The following ENPP2 variants were observed in gnomAD, a reference collection of about 807,000 sequenced individuals.
ENPP2 encodes the protein ectonucleotide pyrophosphatase/phosphodiesterase 2, also known as autotaxin.
ENPP2 carries 51 observed loss-of-function variants against 120.2 expected under a neutral mutation model. That is an observed-to-expected ratio of 0.42 (90% CI 0.34 to 0.54). The LOEUF (loss-of-function observed/expected upper bound fraction) is 0.54. Among genes scored for constraint, ENPP2 ranks in the 20% least tolerant of loss-of-function variants. The pLI is 0.04. For missense variants in ENPP2, 920 were observed against 1,066.5 expected (o/e 0.86, Z 1.91); for synonymous variants, 365 against 366.4 (o/e 1.00, Z 0.04).
intron 1 of ENPP2, among the ~76,000 whole-genome samples, chr8:119,672,613 A>G (rs1008503892): frequency 1.3e-5 from 2 of 152,174 alleles, no homozygotes; most frequent in Non-Finnish European, 2.9e-5. Context: ...CTTATCCAAA[A>G]TTAGCCCTAT....
At chr8:119,605,583 C>G (rs927377721) in intron 9 of ENPP2, among the ~76,000 whole-genome samples, 19 of 151,782 alleles carry the variant, frequency 1.3e-4, no homozygotes, top group Middle Eastern at 3.4e-3. Flanking sequence ...GCCTCAGCCT[C>G]CCAGGTAGCT....
rs182056588 is a variant in ENPP2 at position 119,646,119 on chromosome 8, T to C, written c.22-7592A>G. On this transcript the variant is annotated intron_variant, in intron 1 of 25. Coordinates refer to the ENPP2 transcript ENST00000427067. ...AAGTAGCTGGGATTACAGGCATGTG[T>C]CACCATACCCGGCTAATTTTTTTGT... 9.7e-3 allele frequency among the ~76,000 whole-genome samples: 1,470 copies of C among 151,894 alleles called. 24 individuals are homozygous for C. Among genetic ancestry groups the C allele is most frequent in the African/African-American group, 0.034 (1,394 of 41,446 alleles).
intron 9 of ENPP2, among the ~76,000 whole-genome samples, chr8:119,602,507 A>G (rs1340004299): frequency 2.0e-5 from 3 of 152,074 alleles, no homozygotes. Context: ...AGACTGACAA[A>G]AAGGGTATAA....
chr8:119,615,461 T>C (rs1233814140), intron 8 of ENPP2, among the ~76,000 whole-genome samples: 1 of 152,196 alleles, frequency 6.6e-6, no homozygotes, highest in Admixed American at 6.5e-5. Context: ...CCAAAGCAAG[T>C]TGCGTAACCA....
intron 2 of ENPP2, among the ~76,000 whole-genome samples, chr8:119,637,711 T>G (rs1817085225): frequency 6.6e-6 from 1 of 152,224 alleles, no homozygotes; most frequent in South Asian, 2.1e-4. Context: ...ACTCATTGCT[T>G]AAGACCTGGT....
At chr8:119,608,088 C>T (rs1587466564) in intron 8 of ENPP2, 111 bp from the exon 9 acceptor site, 1 of 568,526 alleles carries the variant, frequency 1.8e-6, no homozygotes, top group East Asian at 3.1e-5. Flanking sequence ...CACACCCCAA[C>T]ATAAATTTTC....
chr8:119,650,753 C>A (rs1291266197), intron 1 of ENPP2, among the ~76,000 whole-genome samples: 1 of 152,150 alleles, frequency 6.6e-6, no homozygotes, highest in African/African-American at 2.4e-5. Context: ...ATTAGAAGAA[C>A]TGGGAGTTTG....
rs775936250 is a variant in ENPP2 at position 119,621,361 on chromosome 8, T to C, written c.418+33A>G. Reference sequence around the variant, plus strand: ...TGGAGCACCTCCAGTTTTTATTCTTTTAAAGCTCAGGCCAATCCAAAGAAA... The same window carrying C: ...TGGAGCACCTCCAGTTTTTATTCTTCTAAAGCTCAGGCCAATCCAAAGAAA... On this transcript the variant is annotated intron_variant, in intron 4 of 24. Coordinates refer to ENST00000075322, the MANE Select transcript of ENPP2 (RefSeq NM_001040092.3). 6 of 1,608,306 alleles carry C rather than the reference T, an allele frequency of 3.7e-6. No individual in the cohort carries two copies. In the Admixed American group the frequency reaches 6.7e-5, roughly 18 times the overall value.
intron 12 of ENPP2, 64 bp downstream of exon 12, chr8:119,593,675 GGCAAGGATTCTTT>G (rs1813693097): frequency 1.1e-6 from 1 of 924,972 alleles, no homozygotes; most frequent in Non-Finnish European, 1.8e-6. Flanking sequence ...GGCTTCTAAG[GGCAAGGATTCTTT>G]TCCTCAATAT....
intron 1 of ENPP2, among the ~76,000 whole-genome samples, chr8:119,646,129 C>T (rs1040075834): frequency 1.3e-5 from 2 of 151,912 alleles, no homozygotes; most frequent in Non-Finnish European, 1.5e-5. Flanking sequence ...TCACCATACC[C>T]GGCTAATTTT....
intron 5 of ENPP2, chr8:119,618,353 G>C (rs767695971): frequency 2.1e-6 from 1 of 473,616 alleles, no homozygotes; most frequent in South Asian, 1.5e-5. Flanking sequence ...GGCCTGATCT[G>C]TCTTCCCCAC....
chr8:119,666,166 ATATAC>A (rs1818062525), intron 1 of ENPP2, among the ~76,000 whole-genome samples: 1 of 152,260 alleles, frequency 6.6e-6, no homozygotes, highest in Admixed American at 6.5e-5. Flanking sequence ...TAATGAGTTA[ATATAC>A]TTATCTCTAA....
intron 1 of ENPP2, among the ~76,000 whole-genome samples, chr8:119,659,088 G>T (rs1327650004): frequency 6.6e-6 from 1 of 152,006 alleles, no homozygotes; most frequent in Non-Finnish European, 1.5e-5. Context: ...GCCAAGGCAG[G>T]CAGATTGCTT....
intron 2 of ENPP2, 24 bp downstream of exon 2, chr8:119,638,401 A>T (rs1376431046): frequency 8.2e-7 from 1 of 1,216,984 alleles, no homozygotes; most frequent in South Asian, 1.2e-5. Context: ...AAAAATTGAA[A>T]ATGCAAATAG....
intron 11 of ENPP2, among the ~76,000 whole-genome samples, chr8:119,596,637 AG>A (rs372194398): frequency 1.3e-5 from 2 of 152,336 alleles, no homozygotes; most frequent in African/African-American, 4.8e-5. Context: ...TCAGCAGGAG[AG>A]AGAACTCACT....
At chr8:119,590,782 T>A (rs1320021755) in intron 12 of ENPP2, 152 bp from the exon 13 acceptor site, 3 of 505,670 alleles carry the variant, frequency 5.9e-6, no homozygotes, top group Non-Finnish European at 6.8e-6. Context: ...TATTTGACTT[T>A]AAATGGTTTA....
At chr8:119,659,334 A>AAAAAAAACAAAAC (rs58435393) in intron 1 of ENPP2, among the ~76,000 whole-genome samples, 1 of 130,740 alleles carries the variant, frequency 7.6e-6, no homozygotes, top group Non-Finnish European at 1.6e-5. Context: ...AAAAAAAAAA[A>AAAAAAAACAAAAC]AAACCAGAGT....
Position 119,582,401 on chromosome 8 carries a change from A to C in ENPP2, c.1728+17T>G. The C allele has an allele frequency of 6.2e-7, 1 of 1,606,124 alleles. No homozygotes were observed. Among genetic ancestry groups the C allele is most frequent in the African/African-American group, 1.3e-5 (1 of 74,834 alleles). On this transcript the variant is annotated intron_variant, in intron 18 of 24. Transcript: ENST00000075322. The stretch of plus-strand genomic sequence containing the variant: ...CCCAACAAACTTCTCCATAATAAAC[A>C]TAAAGATTATTTCTACCTTTGGCTC...
upstream of ENPP2, among the ~76,000 whole-genome samples, chr8:119,640,024 T>C (rs552047239): frequency 3.9e-5 from 6 of 152,154 alleles, no homozygotes; most frequent in Non-Finnish European, 5.9e-5. Flanking sequence ...TGCAACAAAT[T>C]AGTAACAGAG....
Sources: allele counts gnomAD v4.1 joint callset (sites outside exome capture counted in the v4.1 genomes callset), GRCh38; gene constraint gnomAD v4.1.1; transcripts MANE v1.5; gene names NCBI Gene and HGNC (gene_info 2026-07-23, HGNC 2026-07-21).